NAALADL2: variants seen among roughly 807,000 people sequenced by gnomAD.
NAALADL2 encodes inactive N-acetylated-alpha-linked acidic dipeptidase-like protein 2.
NAALADL2 carries 76 observed loss-of-function variants against 87.2 expected under a neutral mutation model. The ratio of observed to expected loss-of-function variants is 0.87; its 90% CI spans 0.72 to 1.05. The LOEUF is 1.05. Among genes scored for constraint, NAALADL2 ranks in the 50% least tolerant of loss-of-function variants. The probability of loss-of-function intolerance (pLI) is 0.00; values close to 1 mark genes in which losing one functional copy is unlikely to be tolerated. For missense variants in NAALADL2, 1,089 were observed against 945.8 expected (o/e 1.15, Z -1.99); for synonymous variants, 354 against 331.0 (o/e 1.07, Z -0.75).
chr3:174,963,614 T>C (rs1742446671), intron 1 of NAALADL2, among the ~76,000 whole-genome samples: 1 of 152,170 alleles, frequency 6.6e-6, no homozygotes. Flanking sequence ...TTGTGATGAT[T>C]TGTTTCATGC....
In NAALADL2 at chr3:174,960,500, A is replaced by T. The variant is rs556883930; in HGVS notation, c.43+101050A>T. Among the ~76,000 whole-genome samples, 5 of 152,114 alleles carry T rather than the reference A, an allele frequency of 3.3e-5. No individual in the cohort carries two copies. The South Asian group carries it at 1.0e-3, about 32-fold the overall frequency. On this transcript the variant is annotated intron_variant, in intron 1 of 13. Transcript: ENST00000454872. ...TTACTATGAATAAGAAGCAATTGAG[A>T]TTTGAGTGTTTATCTAGAATTATTA...
chr3:175,122,197 C>T (rs1726261374), intron 2 of NAALADL2, among the ~76,000 whole-genome samples: 1 of 151,778 alleles, frequency 6.6e-6, no homozygotes, highest in Admixed American at 6.6e-5. Flanking sequence ...ATGATTGCCT[C>T]AGGAAGGAAA....
chr3:174,523,589 C>T (rs2108419533), intron 1 of NAALADL2: 1 of 152,238 alleles, frequency 6.6e-6, no homozygotes, highest in African/African-American at 2.4e-5. Context: ...CAGAACCTAA[C>T]ACATAGTGGC....
chr3:175,257,423 A>G (rs1185809459), intron 4 of NAALADL2, among the ~76,000 whole-genome samples: 2 of 151,994 alleles, frequency 1.3e-5, no homozygotes, highest in South Asian at 2.1e-4. Flanking sequence ...TCAGTGTTTA[A>G]TAGTAGATTA....
At chr3:175,484,040 G>A (rs2149326789) in intron 9 of NAALADL2, among the ~76,000 whole-genome samples, 1 of 152,072 alleles carries the variant, frequency 6.6e-6, no homozygotes, top group African/African-American at 2.4e-5. Context: ...TTAGTAGAAG[G>A]ACCACTTCAA....
chr3:175,086,322 C>CACAA (rs1349948988), intron 1 of NAALADL2, among the ~76,000 whole-genome samples: 1 of 151,198 alleles, frequency 6.6e-6, no homozygotes. Flanking sequence ...AACAGTGAAA[C>CACAA]TTGTAAGAAT....
At chr3:175,779,618 T>C (rs1032198446) in intron 13 of NAALADL2, among the ~76,000 whole-genome samples, 2 of 152,158 alleles carry the variant, frequency 1.3e-5, no homozygotes, top group Non-Finnish European at 2.9e-5. Context: ...TTTCTGTAAA[T>C]AAAGTTTTAT....
intron 1 of NAALADL2, among the ~76,000 whole-genome samples, chr3:174,898,380 G>A (rs1405326204): frequency 1.3e-5 from 2 of 151,188 alleles, no homozygotes; most frequent in African/African-American, 2.4e-5. Context: ...GATAATAATA[G>A]ATAAGTAATA....
chr3:175,598,089 T>TGG (rs1366213397), intron 10 of NAALADL2, among the ~76,000 whole-genome samples: 1 of 151,988 alleles, frequency 6.6e-6, no homozygotes, highest in Non-Finnish European at 1.5e-5. Context: ...GCAAAACAGA[T>TGG]AAAACCATCA....
chr3:175,130,876 T>A (rs4243406), intron 2 of NAALADL2, among the ~76,000 whole-genome samples: 47,403 of 152,046 alleles, frequency 0.31, 7,592 homozygotes, highest in East Asian at 0.45. Context: ...TCAAGATTAC[T>A]TTGGCTGTTC....
chr3:175,098,855 T>C (rs1721624624), intron 2 of NAALADL2, among the ~76,000 whole-genome samples: 1 of 151,810 alleles, frequency 6.6e-6, no homozygotes, highest in South Asian at 2.1e-4. Context: ...AAAGGATCCA[T>C]AGCATTAATT....
intron 3 of NAALADL2, among the ~76,000 whole-genome samples, chr3:174,811,501 T>G (rs1042511429): frequency 4.6e-5 from 7 of 152,210 alleles, no homozygotes; most frequent in Non-Finnish European, 8.8e-5. Flanking sequence ...GCATGGGGCA[T>G]GCAACCCTTA....
chr3:175,578,583 C>A (rs1363747552), intron 10 of NAALADL2, among the ~76,000 whole-genome samples: 1 of 152,146 alleles, frequency 6.6e-6, no homozygotes, highest in Non-Finnish European at 1.5e-5. Flanking sequence ...ATTATTAACT[C>A]TGTTCATGCT....
chr3:175,552,273 G>A (rs761476011), intron 9 of NAALADL2, among the ~76,000 whole-genome samples: 4 of 152,072 alleles, frequency 2.6e-5, no homozygotes, highest in Non-Finnish European at 5.9e-5. Flanking sequence ...TTTATTAGAG[G>A]TGTCTAAAAG....
intron 1 of NAALADL2, among the ~76,000 whole-genome samples, chr3:175,073,655 G>C (rs1391495167): frequency 6.6e-6 from 1 of 152,020 alleles, no homozygotes; most frequent in Non-Finnish European, 1.5e-5. Flanking sequence ...TTTCAAGTCT[G>C]TTCTACAGTT....
At position 175,123,533 on chromosome 3, in the gene NAALADL2, G is replaced by A. The variant is rs139888654; in HGVS notation, c.545+26242G>A. Among the ~76,000 whole-genome samples the A allele has an allele frequency of 1.9e-3, 295 of 152,004 alleles. 2 individuals carry two copies. The highest frequency in any genetic ancestry group is 6.8e-3 in the African/African-American group (283 of 41,514). On this transcript the variant is annotated intron_variant, in intron 2 of 13. Transcript: ENST00000454872. ...TCCAAATTCTTAATTATGGCTTCAG[G>A]TCATGACCTGGCTCCTCTATTTCGG...
chr3:175,625,689 C>G lies in NAALADL2; in HGVS notation c.1801-1602C>G, dbSNP rs182011162. ...ATAGGAATGAAAGTGTCGGCCGTAG[C>G]CTCAAATAAACCTGGGTTTGAACCC... is the stretch of plus-strand genomic sequence containing the variant. On this transcript the variant is annotated intron_variant, in intron 10 of 13. Transcript: ENST00000454872. Among the ~76,000 whole-genome samples the G allele has an allele frequency of 7.1e-4, 108 of 151,980 alleles. 1 individual carries two copies. The highest frequency in any genetic ancestry group is 6.7e-3 in the Admixed American group (102 of 15,220).
At chr3:174,607,162 G>T (rs889155161) in intron 2 of NAALADL2, among the ~76,000 whole-genome samples, 1 of 152,002 alleles carries the variant, frequency 6.6e-6, no homozygotes, top group Non-Finnish European at 1.5e-5. Flanking sequence ...AGCTCCTGAA[G>T]TAAGTACTAA....
intron 2 of NAALADL2, among the ~76,000 whole-genome samples, chr3:175,173,588 C>G (rs1735209297): frequency 6.6e-6 from 1 of 152,202 alleles, no homozygotes; most frequent in Non-Finnish European, 1.5e-5. Context: ...TATTTATCCA[C>G]CATATTATAT....
Sources: gnomAD v4.1 joint callset for allele counts (sites outside exome capture counted in the v4.1 genomes callset) on GRCh38, gnomAD v4.1.1 for gene constraint, MANE v1.5 for transcripts, NCBI Gene and HGNC (gene_info 2026-07-23, HGNC 2026-07-21) for gene names.